SHISA9: variants seen among roughly 807,000 people sequenced by gnomAD.
SHISA9 encodes the protein shisa family member 9, also known as protein shisa-9.
SHISA9 carries 13 observed loss-of-function variants against 38.0 expected under a neutral mutation model. The ratio of observed to expected loss-of-function variants is 0.34; its 90% CI spans 0.22 to 0.54. The LOEUF is 0.54. Among genes scored for constraint, SHISA9 ranks in the 20% least tolerant of loss-of-function variants. The pLI is 0.91. For missense variants in SHISA9, 538 were observed against 575.8 expected, an observed-to-expected ratio of 0.93 and a Z score of 0.67; for synonymous variants, 275 against 242.0, an observed-to-expected ratio of 1.14 and a Z score of -1.27.
chr16:13,522,759 C>G, the SHISA9 span, among the ~76,000 whole-genome samples: 16 of 152,160 alleles, frequency 1.1e-4, no homozygotes, highest in African/African-American at 3.9e-4. Flanking sequence ...TAACCCATCA[C>G]TTTAAATTAG....
chr16:13,249,529 A>G, the SHISA9 span, among the ~76,000 whole-genome samples: 1 of 152,312 alleles, frequency 6.6e-6, no homozygotes, highest in Admixed American at 6.5e-5. Flanking sequence ...GTACACTGAG[A>G]TGAATCAGGC....
At chr16:13,058,204 A>G (rs16961066) in intron 2 of SHISA9, among the ~76,000 whole-genome samples, 14,301 of 152,158 alleles carry the variant, frequency 0.094, 780 homozygotes, top group African/African-American at 0.14. Context: ...GTGAATAACA[A>G]TTTGGCTTGC....
the SHISA9 span, among the ~76,000 whole-genome samples, chr16:13,495,974 T>C: frequency 6.6e-6 from 1 of 152,046 alleles, no homozygotes; most frequent in African/African-American, 2.4e-5. Context: ...CTGGTGTTTC[T>C]AAAAAAGCTA....
the SHISA9 span, among the ~76,000 whole-genome samples, chr16:13,326,152 A>G: frequency 4.6e-5 from 7 of 152,116 alleles, no homozygotes; most frequent in East Asian, 9.7e-4. Flanking sequence ...TCAGACAGAG[A>G]GAGAAAATTC....
chr16:13,186,643 C>T (rs144841534), intron 2 of SHISA9, among the ~76,000 whole-genome samples: 90 of 152,266 alleles, frequency 5.9e-4, no homozygotes, highest in African/African-American at 2.0e-3. Context: ...GAGTTTAGTA[C>T]ATTCGCATTG....
chr16:13,257,676 G>T, the SHISA9 span, among the ~76,000 whole-genome samples: 1 of 152,152 alleles, frequency 6.6e-6, no homozygotes, highest in South Asian at 2.1e-4. Context: ...CTTTGCAGGT[G>T]TTGCCATGGC....
intron 2 of SHISA9, among the ~76,000 whole-genome samples, chr16:13,076,717 G>A (rs2073586935): frequency 6.6e-6 from 1 of 152,152 alleles, no homozygotes; most frequent in East Asian, 1.9e-4. Flanking sequence ...TTCATTATGT[G>A]ACATCGGCAA....
In SHISA9 at chr16:13,032,229, G is replaced by GCATTCTCATGGTTCAATTCC. The variant is rs1332037349; in HGVS notation, c.691+115417_691+115436dup. 2.0e-5 allele frequency among the ~76,000 whole-genome samples: 3 copies of GCATTCTCATGGTTCAATTCC among 152,066 alleles called. No homozygotes were observed. The East Asian group carries it at 5.8e-4, about 29-fold the overall frequency. ...GTGATGTTTCCCTCACTGTGTCAGT[G>GCATTCTCATGGTTCAATTCC]CATTCTCATGGTTCAATTCCCACTT... On this transcript the variant is annotated intron_variant, in intron 2 of 4. Coordinates refer to ENST00000558583, the MANE Select transcript of SHISA9 (RefSeq NM_001145204.3).
At chr16:13,173,434 G>C (rs1596701714) in intron 2 of SHISA9, among the ~76,000 whole-genome samples, 1 of 147,268 alleles carries the variant, frequency 6.8e-6, no homozygotes, top group South Asian at 2.2e-4. Context: ...AGATTAGATT[G>C]GTTGCATGTT....
intron 1 of SHISA9, 147 bp from the exon 2 acceptor site, chr16:12,916,541 C>A (rs187042149): frequency 3.3e-6 from 3 of 914,486 alleles, no homozygotes; most frequent in African/African-American, 1.7e-5. Context: ...TATTTACTTA[C>A]GTTTTTCTCT....
chr16:13,036,759 A>AG (rs762130225), intron 2 of SHISA9, among the ~76,000 whole-genome samples: 1 of 150,656 alleles, frequency 6.6e-6, no homozygotes, highest in African/African-American at 2.4e-5. Context: ...AAAAAAAAAA[A>AG]GCTCCCACAG....
intron 2 of SHISA9, among the ~76,000 whole-genome samples, chr16:13,061,500 G>A (rs1381887880): frequency 2.0e-5 from 3 of 152,116 alleles, no homozygotes; most frequent in African/African-American, 4.8e-5. Flanking sequence ...TGCACTGTCC[G>A]GATTAAAGGG....
At chr16:13,558,721 C>A in the SHISA9 span, among the ~76,000 whole-genome samples, 1 of 152,126 alleles carries the variant, frequency 6.6e-6, no homozygotes, top group African/African-American at 2.4e-5. Flanking sequence ...TTTTAAACAG[C>A]AAAGTCACCA....
chr16:13,482,319 C>T, the SHISA9 span, among the ~76,000 whole-genome samples: 1 of 152,240 alleles, frequency 6.6e-6, no homozygotes, highest in Non-Finnish European at 1.5e-5. Flanking sequence ...TTCTGGATGC[C>T]AGTAACCACC....
At chr16:13,328,237 A>C in the SHISA9 span, among the ~76,000 whole-genome samples, 4 of 152,110 alleles carry the variant, frequency 2.6e-5, no homozygotes, top group Non-Finnish European at 4.4e-5. Context: ...AAAGGGAAGA[A>C]AACATAACTC....
chr16:13,304,873 A>T, the SHISA9 span, among the ~76,000 whole-genome samples: 1 of 152,174 alleles, frequency 6.6e-6, no homozygotes, highest in Non-Finnish European at 1.5e-5. Flanking sequence ...ATTTTCTATG[A>T]GGGGCATATA....
chr16:13,480,628 T>C, the SHISA9 span, among the ~76,000 whole-genome samples: 2 of 152,192 alleles, frequency 1.3e-5, no homozygotes, highest in African/African-American at 4.8e-5. Context: ...TCACCTGTGC[T>C]TTTTCTACCA....
chr16:13,023,398 T>C (rs1270534090), intron 2 of SHISA9, among the ~76,000 whole-genome samples: 1 of 152,238 alleles, frequency 6.6e-6, no homozygotes, highest in Non-Finnish European at 1.5e-5. Context: ...ATGTGCCACA[T>C]TTTCTTAATG....
At chr16:13,210,390 C>T (rs550108068) in intron 3 of SHISA9, among the ~76,000 whole-genome samples, 1 of 152,136 alleles carries the variant, frequency 6.6e-6, no homozygotes, top group African/African-American at 2.4e-5. Context: ...ACAGGATGTA[C>T]CAGCATCATT....
Sources: gnomAD v4.1 joint callset for allele counts (sites outside exome capture counted in the v4.1 genomes callset) on GRCh38, gnomAD v4.1.1 for gene constraint, MANE v1.5 for transcripts, NCBI Gene and HGNC (gene_info 2026-07-23, HGNC 2026-07-21) for gene names.